Variants in MAP4K4 observed in about 807,000 individuals in gnomAD.
MAP4K4 encodes the protein HPK/GCK-like kinase HGK.
A neutral mutation model predicts 189.6 loss-of-function variants in MAP4K4; 38 were observed. The ratio of observed to expected loss-of-function variants is 0.20; its 90% CI spans 0.15 to 0.26. The LOEUF (loss-of-function observed/expected upper bound fraction) is 0.26. Ranked by LOEUF, MAP4K4 falls within the 10% of genes least tolerant of loss-of-function variation. The probability of loss-of-function intolerance (pLI) is 1.00; values close to 1 mark genes in which losing one functional copy is unlikely to be tolerated. For synonymous variants in MAP4K4, 610 were observed against 624.3 expected (o/e 0.98, Z 0.34); for missense variants, 1,054 against 1,726.9 (o/e 0.61, Z 6.91).
At chr2:101,798,585 C>T (rs554457759) in intron 3 of MAP4K4, among the ~76,000 whole-genome samples, 1 of 152,304 alleles carries the variant, frequency 6.6e-6, no homozygotes, top group Non-Finnish European at 1.5e-5. Context: ...CCTGGACTTG[C>T]TTTTATTACA....
intron 2 of MAP4K4, among the ~76,000 whole-genome samples, chr2:101,740,562 G>T (rs1178878378): frequency 6.6e-6 from 1 of 152,050 alleles, no homozygotes; most frequent in Non-Finnish European, 1.5e-5. Flanking sequence ...CACTAATAAG[G>T]TCATTTGCTG....
chr2:101,827,580 C>T (rs2236935), intron 5 of MAP4K4, among the ~76,000 whole-genome samples: 126,601 of 152,182 alleles, frequency 0.83, 53,054 homozygotes, highest in African/African-American at 0.94. Context: ...ATTTAGACAT[C>T]TTGATCATTA....
intron 2 of MAP4K4, among the ~76,000 whole-genome samples, chr2:101,767,318 C>T (rs2079054706): frequency 6.6e-6 from 1 of 152,102 alleles, no homozygotes; most frequent in South Asian, 2.1e-4. Context: ...TGTTATCTCA[C>T]TGGGAGTTGG....
chr2:101,722,030 C>T (rs2052463289), intron 2 of MAP4K4, among the ~76,000 whole-genome samples: 1 of 152,108 alleles, frequency 6.6e-6, no homozygotes, highest in Admixed American at 6.5e-5. Flanking sequence ...GGCCTTGAAC[C>T]TCACCTTGGT....
At chr2:101,845,962 A>G (rs2097096479) in intron 12 of MAP4K4, among the ~76,000 whole-genome samples, 1 of 152,232 alleles carries the variant, frequency 6.6e-6, no homozygotes, top group South Asian at 2.1e-4. Context: ...CTAATTTAAC[A>G]GCACACTTTG....
At chr2:101,788,380 G>A (rs2092117120) in intron 2 of MAP4K4, among the ~76,000 whole-genome samples, 1 of 152,136 alleles carries the variant, frequency 6.6e-6, no homozygotes, top group Admixed American at 6.5e-5. Flanking sequence ...CTAGAACGGG[G>A]GCGAAGCACC....
At chr2:101,812,758 A>G (rs2095508705) in intron 3 of MAP4K4, among the ~76,000 whole-genome samples, 1 of 152,206 alleles carries the variant, frequency 6.6e-6, no homozygotes, top group Non-Finnish European at 1.5e-5. Context: ...CTACTTAAGT[A>G]AAAGAGGTTA....
At chr2:101,711,832 CTTAT>C (rs145314275) in intron 2 of MAP4K4, among the ~76,000 whole-genome samples, 10,098 of 152,062 alleles carry the variant, frequency 0.066, 418 homozygotes, top group African/African-American at 0.12. Context: ...AAAATATATT[CTTAT>C]TGTTATATGA....
intron 2 of MAP4K4, among the ~76,000 whole-genome samples, chr2:101,759,766 C>T (rs1433724958): frequency 1.5e-5 from 1 of 66,398 alleles, no homozygotes; most frequent in Non-Finnish European, 2.9e-5. Context: ...CCCACCTCCC[C>T]TTCCCCCATC....
intron 12 of MAP4K4, among the ~76,000 whole-genome samples, chr2:101,851,522 G>A (rs2097282721): frequency 6.6e-6 from 1 of 151,992 alleles, no homozygotes; most frequent in South Asian, 2.1e-4. Context: ...CAAGAGGCCA[G>A]CTTTTCACAT....
chr2:101,890,756 TTTTA>T (rs757474038), intron 32 of MAP4K4, among the ~76,000 whole-genome samples: 7 of 144,942 alleles, frequency 4.8e-5, no homozygotes, highest in South Asian at 2.2e-4. Flanking sequence ...TGCCCAGCCT[TTTTA>T]TTTATTTATT....
intron 3 of MAP4K4, among the ~76,000 whole-genome samples, chr2:101,804,000 A>G (rs1208316289): frequency 6.6e-6 from 1 of 152,156 alleles, no homozygotes. Context: ...ATTGTAGTGC[A>G]CTGTTAATCC....
intron 18 of MAP4K4, 30 bp from the exon 19 acceptor site, chr2:101,866,398 T>C (rs1259180432): frequency 6.3e-7 from 1 of 1,592,784 alleles, no homozygotes; most frequent in African/African-American, 1.3e-5. Context: ...GATGACACAT[T>C]AGCTGTTCTC....
chr2:101,705,850 T>A (rs2042042026), intron 2 of MAP4K4, among the ~76,000 whole-genome samples: 1 of 152,186 alleles, frequency 6.6e-6, no homozygotes. Flanking sequence ...TAGTATTTGG[T>A]TCTCCCACCC....
At chr2:101,764,877 T>A (rs1290172659) in intron 2 of MAP4K4, among the ~76,000 whole-genome samples, 2 of 152,190 alleles carry the variant, frequency 1.3e-5, no homozygotes, top group African/African-American at 4.8e-5. Context: ...AGTGAAATAA[T>A]CTCAGATTAA....
intron 3 of MAP4K4, among the ~76,000 whole-genome samples, chr2:101,813,776 G>A (rs934043633): frequency 6.6e-6 from 1 of 152,192 alleles, no homozygotes; most frequent in Non-Finnish European, 1.5e-5. Flanking sequence ...TACTGGTTTG[G>A]TTCAGAGCAG....
In MAP4K4 at chr2:101,835,736, C is replaced by G. The variant is rs540550956; in HGVS notation, c.695-164C>G. On this transcript the variant is annotated intron_variant, in intron 8 of 32. Coordinates refer to ENST00000324219, the Ensembl canonical transcript of MAP4K4. ...CTTTGCTATTTTTAAATGGGAAATT[C>G]AAGATATGCCCTGGAGTTCATAACT... is the stretch of plus-strand genomic sequence containing the variant. Among the ~76,000 whole-genome samples, 32 of 152,262 alleles carry G rather than the reference C, an allele frequency of 2.1e-4. 1 individual carries two copies. The highest frequency in any genetic ancestry group is 1.8e-3 in the Admixed American group (28 of 15,302).
chr2:101,764,924 A>G (rs1276573450), intron 2 of MAP4K4, among the ~76,000 whole-genome samples: 1 of 152,222 alleles, frequency 6.6e-6, no homozygotes, highest in Non-Finnish European at 1.5e-5. Flanking sequence ...GAAATTTATG[A>G]GCATTATTAG....
intron 2 of MAP4K4, among the ~76,000 whole-genome samples, chr2:101,762,156 G>T (rs1371156548): frequency 3.9e-5 from 6 of 152,204 alleles, no homozygotes; most frequent in African/African-American, 1.4e-4. Flanking sequence ...CATTCAGTAG[G>T]TGGTGTTTCT....
Sources: allele counts gnomAD v4.1 joint callset (sites outside exome capture counted in the v4.1 genomes callset), GRCh38; gene constraint gnomAD v4.1.1; transcripts MANE v1.5; gene names NCBI Gene and HGNC (gene_info 2026-07-23, HGNC 2026-07-21).